Variants in GALNTL6 observed in about 807,000 individuals in gnomAD.
GALNTL6 encodes the protein polypeptide N-acetylgalactosaminyltransferase-like 6.
GALNTL6 carries 46 observed loss-of-function variants against 73.7 expected under a neutral mutation model. That is an observed-to-expected ratio of 0.62 (90% CI 0.49 to 0.80). The LOEUF (loss-of-function observed/expected upper bound fraction) is 0.80. Among genes scored for constraint, GALNTL6 ranks in the 30% least tolerant of loss-of-function variants. The pLI, the probability that GALNTL6 is intolerant of heterozygous loss-of-function variation, is 0.00. For synonymous variants in GALNTL6, 259 were observed against 263.7 expected (o/e 0.98, Z 0.17); for missense variants, 604 against 755.0 (o/e 0.80, Z 2.34).
At chr4:171,890,531 G>A (rs778737388) in intron 2 of GALNTL6, among the ~76,000 whole-genome samples, 5 of 151,680 alleles carry the variant, frequency 3.3e-5, no homozygotes, top group Non-Finnish European at 7.4e-5. Flanking sequence ...ATGAACTGAG[G>A]GATGAATAAA....
chr4:172,942,300 G>C (rs1440599415), intron 9 of GALNTL6, among the ~76,000 whole-genome samples: 1 of 152,104 alleles, frequency 6.6e-6, no homozygotes, highest in African/African-American at 2.4e-5. Flanking sequence ...AATAAAACAA[G>C]GTCTATTAAT....
intron 5 of GALNTL6, among the ~76,000 whole-genome samples, chr4:172,459,626 G>C (rs533433589): frequency 6.6e-6 from 1 of 152,114 alleles, no homozygotes; most frequent in Non-Finnish European, 1.5e-5. Flanking sequence ...GCTACAAAGA[G>C]AATAAAATAC....
intron 5 of GALNTL6, among the ~76,000 whole-genome samples, chr4:172,785,344 T>C (rs1435752237): frequency 6.6e-6 from 1 of 152,210 alleles, no homozygotes; most frequent in African/African-American, 2.4e-5. Flanking sequence ...TCAGTATTTA[T>C]TATCTTATTT....
intron 2 of GALNTL6, among the ~76,000 whole-genome samples, chr4:172,145,756 A>C (rs574091819): frequency 9.2e-5 from 14 of 152,278 alleles, no homozygotes; most frequent in African/African-American, 3.4e-4. Flanking sequence ...GGAAAACTCT[A>C]TCTCTTTTCA....
At chr4:172,989,328 C>A (rs1356698960) in intron 10 of GALNTL6, among the ~76,000 whole-genome samples, 1 of 152,146 alleles carries the variant, frequency 6.6e-6, no homozygotes, top group African/African-American at 2.4e-5. Context: ...GCAGAAGGGA[C>A]TTTCCTCATC....
At chr4:172,002,825 G>C (rs1473354346) in intron 2 of GALNTL6, among the ~76,000 whole-genome samples, 1 of 152,110 alleles carries the variant, frequency 6.6e-6, no homozygotes, top group Non-Finnish European at 1.5e-5. Flanking sequence ...AGCTCCCACA[G>C]AACACGTGTT....
At chr4:172,707,870 T>A (rs1482744933) in intron 5 of GALNTL6, among the ~76,000 whole-genome samples, 1 of 152,078 alleles carries the variant, frequency 6.6e-6, no homozygotes, top group Non-Finnish European at 1.5e-5. Flanking sequence ...GGTGAGAAGA[T>A]TCTCACTAAA....
chr4:172,534,655 G>A (rs1020147017), intron 5 of GALNTL6, among the ~76,000 whole-genome samples: 3 of 151,854 alleles, frequency 2.0e-5, no homozygotes, highest in Admixed American at 6.6e-5. Context: ...TGCAACCTCC[G>A]CCTCCTGGGT....
intron 3 of GALNTL6, among the ~76,000 whole-genome samples, chr4:172,277,291 G>A (rs1366362503): frequency 2.6e-5 from 4 of 152,086 alleles, no homozygotes; most frequent in Non-Finnish European, 4.4e-5. Flanking sequence ...GCAACAGTGG[G>A]AGTTTCTATG....
chr4:172,865,879 C>T (rs751891545), intron 7 of GALNTL6, among the ~76,000 whole-genome samples: 42 of 152,264 alleles, frequency 2.8e-4, no homozygotes, highest in South Asian at 1.0e-3. Flanking sequence ...TGCCCCAAAC[C>T]GAACTCATAA....
chr4:172,728,784 T>C (rs1488015193), intron 5 of GALNTL6, among the ~76,000 whole-genome samples: 1 of 152,208 alleles, frequency 6.6e-6, no homozygotes, highest in Non-Finnish European at 1.5e-5. Context: ...ACTTGTAGGT[T>C]TTTGAGGAGA....
chr4:172,564,008 C>T (rs1044510428), intron 5 of GALNTL6, among the ~76,000 whole-genome samples: 2 of 152,082 alleles, frequency 1.3e-5, no homozygotes, highest in African/African-American at 2.4e-5. Context: ...ATATTATAGT[C>T]TCATGTTATT....
At chr4:172,524,826 A>G (rs1417335243) in intron 5 of GALNTL6, among the ~76,000 whole-genome samples, 1 of 152,190 alleles carries the variant, frequency 6.6e-6, no homozygotes, top group Non-Finnish European at 1.5e-5. Context: ...TATGGTTAGT[A>G]TGGTTTTATT....
rs541268954 is a variant in GALNTL6, at chr4:172,854,482, C to T, written c.924-28308C>T. 2.0e-5 allele frequency among the ~76,000 whole-genome samples: 3 copies of T among 152,176 alleles called. No homozygotes were observed. In the South Asian group the frequency reaches 6.2e-4, roughly 32 times the overall value. On this transcript the variant is annotated intron_variant, in intron 7 of 12. Transcript: ENST00000506823. Reference sequence around the variant, plus strand: ...AGTTAGAGGGGAAGATGTATGGAGCCTTTTATGTTTTTATAAGAATATACA... The same window carrying T: ...AGTTAGAGGGGAAGATGTATGGAGCTTTTTATGTTTTTATAAGAATATACA...
chr4:172,270,173 GTGTGTGTGTGTGTGTA>G (rs1738591761), intron 3 of GALNTL6, among the ~76,000 whole-genome samples: 2 of 146,944 alleles, frequency 1.4e-5, no homozygotes, highest in African/African-American at 2.5e-5. Context: ...TCTGTCCACT[GTGTGTGTGTGTGTGTA>G]TGTGTGTGTG....
At chr4:171,864,461 G>A (rs770472447) in intron 2 of GALNTL6, among the ~76,000 whole-genome samples, 6 of 152,222 alleles carry the variant, frequency 3.9e-5, no homozygotes, top group South Asian at 4.1e-4. Context: ...TTATTTCAGG[G>A]TACATACAGA....
chr4:171,939,578 C>A (rs1455956461), intron 2 of GALNTL6, among the ~76,000 whole-genome samples: 1 of 151,666 alleles, frequency 6.6e-6, no homozygotes, highest in Non-Finnish European at 1.5e-5. Context: ...CTGTGGAAGT[C>A]CCCAAATCAT....
intron 9 of GALNTL6, among the ~76,000 whole-genome samples, chr4:172,940,412 G>C (rs952132477): frequency 6.6e-6 from 1 of 151,898 alleles, no homozygotes; most frequent in Non-Finnish European, 1.5e-5. Flanking sequence ...ACCCAGGCTG[G>C]AGTGAAGTGG....
chr4:172,109,720 G>C (rs1290510586), intron 2 of GALNTL6, among the ~76,000 whole-genome samples: 2 of 152,170 alleles, frequency 1.3e-5, no homozygotes, highest in Admixed American at 1.3e-4. Flanking sequence ...ACATGGCTGA[G>C]AAACAGAAAG....
Sources: gnomAD v4.1 joint callset for allele counts (sites outside exome capture counted in the v4.1 genomes callset) on GRCh38, gnomAD v4.1.1 for gene constraint, MANE v1.5 for transcripts, NCBI Gene and HGNC (gene_info 2026-07-23, HGNC 2026-07-21) for gene names.